The following CSMD2 variants were observed in gnomAD, a reference collection of about 807,000 sequenced individuals.
CSMD2 encodes the protein CUB and Sushi multiple domains 2, also known as CUB and sushi domain-containing protein 2.
In CSMD2, 130 loss-of-function variants were observed where a neutral mutation model predicts 398.5. The ratio of observed to expected loss-of-function variants is 0.33; its 90% CI spans 0.28 to 0.38. The LOEUF (loss-of-function observed/expected upper bound fraction) is 0.38, where lower values mean the gene tolerates loss of function less well. CSMD2 is among the 10% of genes least tolerant of loss of function. CSMD2 has a pLI of 1.00. For synonymous variants in CSMD2, 1,828 were observed against 1,908.5 expected (o/e 0.96, Z 1.10); for missense variants, 3,829 against 4,764.9 (o/e 0.80, Z 5.78).
intron 3 of CSMD2, among the ~76,000 whole-genome samples, chr1:33,963,296 A>ATG (rs575413875): frequency 4.0e-4 from 61 of 152,278 alleles, no homozygotes; most frequent in Non-Finnish European, 6.8e-4. Flanking sequence ...TAAAATACAG[A>ATG]TGTCTGGGTT....
chr1:33,783,728 A>G (rs1231363543), intron 12 of CSMD2, among the ~76,000 whole-genome samples: 1 of 152,134 alleles, frequency 6.6e-6, no homozygotes, highest in East Asian at 1.9e-4. Context: ...TGTAGGAAAG[A>G]TGGGCCGGCC....
chr1:33,747,333 G>A (rs1006943816), intron 13 of CSMD2, among the ~76,000 whole-genome samples: 3 of 152,224 alleles, frequency 2.0e-5, no homozygotes, highest in African/African-American at 7.2e-5. Context: ...CTCTAGGGTA[G>A]AATATTCCAG....
At chr1:34,012,774 A>G (rs1487419962) in intron 3 of CSMD2, among the ~76,000 whole-genome samples, 6 of 152,218 alleles carry the variant, frequency 3.9e-5, no homozygotes, top group Non-Finnish European at 8.8e-5. Context: ...GTAAGTACAC[A>G]ATAAATATAT....
intron 4 of CSMD2, among the ~76,000 whole-genome samples, chr1:33,926,099 A>G (rs1644119062): frequency 6.6e-6 from 1 of 152,200 alleles, no homozygotes; most frequent in Non-Finnish European, 1.5e-5. Flanking sequence ...ATCATTACTT[A>G]GTTAACATGT....
At chr1:34,135,342 A>G (rs1638623298) in intron 1 of CSMD2, among the ~76,000 whole-genome samples, 1 of 152,058 alleles carries the variant, frequency 6.6e-6, no homozygotes, top group African/African-American at 2.4e-5. Context: ...AGCCTAAATA[A>G]TAAAGAACTG....
At position 33,635,479 on chromosome 1, in the gene CSMD2, A is replaced by G. The variant is rs1452750134; in HGVS notation, c.4970-149T>C. On this transcript the variant is annotated intron_variant, in intron 30 of 70. Coordinates refer to ENST00000373381, the MANE Select transcript of CSMD2 (RefSeq NM_001281956.2). The surrounding 1 kb of genome is among the most constrained non-coding windows in gnomAD (Gnocchi z 5.0). Reference sequence around the variant, plus strand: ...AGCTTGGAGAAGGCAAGTCCTGCGGACCCTGCCCTGCCCAAGAACGTGCAC... The same window carrying G: ...AGCTTGGAGAAGGCAAGTCCTGCGGGCCCTGCCCTGCCCAAGAACGTGCAC... 8 of 576,416 alleles carry G rather than the reference A, an allele frequency of 1.4e-5. No individual in the cohort carries two copies. The African/African-American group carries it at 1.5e-4, about 11-fold the overall frequency. 35.7% of individuals were successfully genotyped at this position (576,416 alleles called of 1,614,324 possible).
chr1:33,782,023 C>T (rs565503232), intron 12 of CSMD2, among the ~76,000 whole-genome samples: 1 of 152,156 alleles, frequency 6.6e-6, no homozygotes, highest in South Asian at 2.1e-4. Context: ...ACCTGCCTGC[C>T]CCTAAGGTTG....
intron 25 of CSMD2, among the ~76,000 whole-genome samples, chr1:33,689,193 T>C (rs899612479): frequency 1.3e-5 from 2 of 152,022 alleles, no homozygotes; most frequent in South Asian, 4.2e-4. Flanking sequence ...ATGCTATGCA[T>C]ACTGGCTGGG....
rs79250765 is a variant in CSMD2, at chr1:33,607,845, G to T, written c.6344-2375C>A. ...TTGTGGGAGGAGGGGGCCCATTATA[G>T]GGTGGAAGCCCCATTGGATGTCGCT... is the stretch of plus-strand genomic sequence containing the variant. On this transcript the variant is annotated intron_variant, in intron 41 of 70. Transcript: ENST00000373381. Among the ~76,000 whole-genome samples, 140 of 152,334 alleles carry T rather than the reference G, an allele frequency of 9.2e-4. 1 individual carries two copies. In the East Asian group the frequency reaches 0.025, roughly 27 times the overall value.
At chr1:33,569,829 C>A (rs557132744) in intron 51 of CSMD2, among the ~76,000 whole-genome samples, 1 of 152,254 alleles carries the variant, frequency 6.6e-6, no homozygotes, top group African/African-American at 2.4e-5. Flanking sequence ...TTTTAATCCT[C>A]CTCAGGTGGC....
intron 23 of CSMD2, 133 bp downstream of exon 23, chr1:33,700,384 T>C (rs1645571312): frequency 2.3e-6 from 2 of 873,172 alleles, no homozygotes; most frequent in Middle Eastern, 2.3e-4. Flanking sequence ...CATCCACTGA[T>C]GGATACATAT....
chr1:34,128,383 G>A (rs898942806), intron 1 of CSMD2, among the ~76,000 whole-genome samples: 6 of 152,192 alleles, frequency 3.9e-5, no homozygotes, highest in African/African-American at 1.2e-4. Context: ...GACTGTACCC[G>A]CAGGAAGGGA....
intron 1 of CSMD2, among the ~76,000 whole-genome samples, chr1:34,133,695 C>T (rs1337318671): frequency 6.6e-6 from 1 of 152,028 alleles, no homozygotes; most frequent in African/African-American, 2.4e-5. Context: ...TTCACACTTT[C>T]CCATCCCTTG....
intron 12 of CSMD2, among the ~76,000 whole-genome samples, chr1:33,780,554 C>A (rs566156652): frequency 6.6e-6 from 1 of 152,340 alleles, no homozygotes; most frequent in African/African-American, 2.4e-5. Context: ...ATGGAGGTAG[C>A]CTCCAAGCTG....
chr1:34,099,925 G>T (rs990232748), intron 1 of CSMD2, among the ~76,000 whole-genome samples: 2 of 152,216 alleles, frequency 1.3e-5, no homozygotes, highest in African/African-American at 4.8e-5. Flanking sequence ...AGGGCAGATT[G>T]TAATAGGCAA....
At chr1:33,623,315 G>A in intron 36 of CSMD2, 55 bp downstream of exon 36, 1 of 1,097,508 alleles carries the variant, frequency 9.1e-7, no homozygotes, top group Non-Finnish European at 1.4e-6. Context: ...CAATGTTCAT[G>A]ATGATGAGCT....
intron 2 of CSMD2, among the ~76,000 whole-genome samples, chr1:34,040,818 T>G (rs553133252): frequency 6.6e-6 from 1 of 152,286 alleles, no homozygotes; most frequent in Non-Finnish European, 1.5e-5. Context: ...GGGTGGGAGC[T>G]TTTATTTTAA....
rs1479757326 is a variant in CSMD2 at position 33,518,502 on chromosome 1, T to C, written c.*53+963A>G. Among the ~76,000 whole-genome samples, 1 of 152,162 alleles carries C rather than the reference T, an allele frequency of 6.6e-6. No homozygotes were observed. The highest frequency in any genetic ancestry group is 2.4e-5 in the African/African-American group (1 of 41,420). On this transcript the variant is annotated intron_variant, in intron 70 of 70. Transcript: ENST00000373381. The surrounding 1 kb of genome is among the most constrained non-coding windows in gnomAD (Gnocchi z 4.3). ...TGCTCAATGTGGGGAATTTTGTAAGTAAACCTGCCTAGGCTATGGTGCTCA... is the reference window on the plus strand; with the variant it reads ...TGCTCAATGTGGGGAATTTTGTAAGCAAACCTGCCTAGGCTATGGTGCTCA...
At chr1:33,907,995 G>A (rs1643208873) in intron 5 of CSMD2, among the ~76,000 whole-genome samples, 1 of 144,870 alleles carries the variant, frequency 6.9e-6, no homozygotes, top group Non-Finnish European at 1.5e-5. Flanking sequence ...GCCGAGACAA[G>A]AGAATCACTT....
Sources: gnomAD v4.1 joint callset for allele counts (sites outside exome capture counted in the v4.1 genomes callset) on GRCh38, gnomAD v4.1.1 for gene constraint, Gnocchi (gnomAD v3.1) non-coding constraint, MANE v1.5 for transcripts, NCBI Gene and HGNC (gene_info 2026-07-23, HGNC 2026-07-21) for gene names.